Variants in CCND3 observed in about 807,000 individuals in gnomAD.
The protein encoded by CCND3 is cyclin D3.
A neutral mutation model predicts 28.7 loss-of-function variants in CCND3; 9 were observed. The observed-to-expected ratio is 0.31, with a 90% confidence interval of 0.19 to 0.55. The LOEUF is 0.55. Among genes scored for constraint, CCND3 ranks in the 20% least tolerant of loss-of-function variants. The pLI, the probability that CCND3 is intolerant of heterozygous loss-of-function variation, is 0.93. For synonymous variants in CCND3, 164 were observed against 163.9 expected (o/e 1.00, Z 0.00); for missense variants, 315 against 385.8 (o/e 0.82, Z 1.54).
chr6:41,974,604 C>A (rs1762122745), intron 1 of CCND3, among the ~76,000 whole-genome samples: 1 of 152,156 alleles, frequency 6.6e-6, no homozygotes, highest in Admixed American at 6.5e-5. Context: ...TATTACTCAA[C>A]AACAGCCCAA....
intron 1 of CCND3, among the ~76,000 whole-genome samples, chr6:42,020,407 T>C (rs115122695): frequency 0.012 from 1,841 of 152,368 alleles, 31 homozygotes; most frequent in African/African-American, 0.042. Context: ...GCTCTCTCTC[T>C]GTCCTCCCTT....
intron 1 of CCND3, among the ~76,000 whole-genome samples, chr6:41,980,899 G>A (rs1762327109): frequency 6.6e-6 from 1 of 152,032 alleles, no homozygotes; most frequent in African/African-American, 2.4e-5. Context: ...AAGAACATCT[G>A]CAAAAAACCC....
intron 1 of CCND3, among the ~76,000 whole-genome samples, chr6:41,969,277 G>T (rs1464305602): frequency 8.6e-5 from 13 of 152,018 alleles, no homozygotes; most frequent in African/African-American, 3.1e-4. Context: ...ACTTTGGGAG[G>T]CCCAGGCGGG....
chr6:41,997,341 G>T (rs1762838711), intron 1 of CCND3, among the ~76,000 whole-genome samples: 1 of 152,110 alleles, frequency 6.6e-6, no homozygotes, highest in Non-Finnish European at 1.5e-5. Flanking sequence ...CACCTTAACA[G>T]GCATGCAGAA....
intron 1 of CCND3, among the ~76,000 whole-genome samples, chr6:42,015,416 A>T (rs896979435): frequency 3.9e-5 from 6 of 152,086 alleles, no homozygotes; most frequent in Non-Finnish European, 7.4e-5. Flanking sequence ...ATTTTATTTT[A>T]AAAAAAAGTT....
chr6:41,941,618 T>C lies in CCND3; in HGVS notation c.32A>G (p.His11Arg). The change falls in exon 1 of 5, where the codon CAC becomes CGC. Residue 11 changes from histidine to arginine, a missense_variant. By Grantham distance (29) the His-to-Arg change is conservative (BLOSUM62 0). Coordinates refer to ENST00000372991, the MANE Select transcript of CCND3 (RefSeq NM_001760.5). This position sits in a 1 kb window ranked among gnomAD's most constrained non-coding sequence, Gnocchi z 6.1. Reference sequence around the variant, plus strand: ...CGGGTCCGGCCCGGCCCGGGGCGCGTGCCGGGTGCCTTCGCAACACAGCAG... The same window carrying C: ...CGGGTCCGGCCCGGCCCGGGGCGCGCGCCGGGTGCCTTCGCAACACAGCAG... MELLCCEGTRHAPRAGPDPRL... is the reference protein window; with the variant it reads MELLCCEGTRRAPRAGPDPRL... 4 of 1,518,668 alleles carry C rather than the reference T, an allele frequency of 2.6e-6. No individual in the cohort carries two copies. The highest frequency in any genetic ancestry group is 1.2e-5 in the South Asian group (1 of 82,358). The allele number at this position is 1,518,668 out of a possible 1,614,324, so 94.1% of individuals were successfully genotyped here. A position where few individuals can be genotyped will look rare whatever the true frequency, so the allele number is the denominator to read the frequency against.
intron 1 of CCND3, among the ~76,000 whole-genome samples, chr6:42,000,990 C>G (rs1018397339): frequency 1.3e-5 from 2 of 151,624 alleles, no homozygotes. Context: ...TATCCCAGTA[C>G]TTTGGGAGGC....
chr6:42,018,891 TAAAAAA>T (rs10568698), intron 1 of CCND3, among the ~76,000 whole-genome samples: 2 of 136,858 alleles, frequency 1.5e-5, no homozygotes, highest in Non-Finnish European at 1.6e-5. Context: ...AACTCCATGT[TAAAAAA>T]AAAAAAAAAA....
Position 41,989,454 on chromosome 6 carries a change from C to CAAAAAAAAAAAAA in CCND3, c.-45-48870_-45-48869insTTTTTTTTTTTTT, listed in dbSNP as rs35776222. On this transcript the variant is annotated intron_variant, in intron 1 of 4. Transcript: ENST00000372988. ...GGGCGACAAGAGTGAAACACTGTCT[C>CAAAAAAAAAAAAA]AAAAAAAAAAAACAAAAAAAAAAAA... Among the ~76,000 whole-genome samples, 62 of 21,670 alleles carry CAAAAAAAAAAAAA rather than the reference C, an allele frequency of 2.9e-3. 6 individuals are homozygous for CAAAAAAAAAAAAA. The highest frequency in any genetic ancestry group is 3.8e-3 in the Non-Finnish European group (35 of 9,114). The allele number at this position is 21,670 out of a possible 152,430, so 14.2% of individuals were successfully genotyped here.
intron 1 of CCND3, among the ~76,000 whole-genome samples, chr6:41,985,596 T>G: frequency 6.8e-6 from 1 of 147,142 alleles, no homozygotes. Context: ...ATTACAGGCG[T>G]GAGCCACCAT....
At chr6:42,045,938 T>C (rs1486466195) in intron 1 of CCND3, among the ~76,000 whole-genome samples, 3 of 152,066 alleles carry the variant, frequency 2.0e-5, no homozygotes, top group Admixed American at 6.5e-5. Flanking sequence ...CACCCCACCC[T>C]ACCAGCGAGT....
Position 41,940,443 on chromosome 6 carries a change from C to A in CCND3, c.341G>T (p.Arg114Leu), listed in dbSNP as rs1447795219. The A allele has an allele frequency of 6.2e-7, 1 of 1,614,088 alleles. No individual in the cohort carries two copies. The highest frequency in any genetic ancestry group is 8.5e-7 in the Non-Finnish European group (1 of 1,180,004). Residue 114 changes from arginine to leucine, a missense_variant, in exon 2 of 5, where the codon CGC (arginine) becomes CTC (leucine). Transcript: ENST00000372991. ...AVCMLLASKL[R>L]ETTPLTIEKL... ...TTCGATGGTCAGGGGCGTGGTCTCG[C>A]GCAGCTTGGAGGCCAGCAGCATGCA...
chr6:41,975,858 T>C (rs1762165297), intron 1 of CCND3, among the ~76,000 whole-genome samples: 1 of 152,028 alleles, frequency 6.6e-6, no homozygotes. Context: ...TCTGTTTTTT[T>C]TGAGACAGGG....
At chr6:42,028,971 G>GGTTTT (rs1191162225) in intron 1 of CCND3, among the ~76,000 whole-genome samples, 1 of 137,796 alleles carries the variant, frequency 7.3e-6, no homozygotes, top group Non-Finnish European at 1.6e-5. Flanking sequence ...CCTTGAAACG[G>GGTTTT]TTTTTTTTTT....
chr6:41,992,294 C>T (rs1438051564), intron 1 of CCND3, among the ~76,000 whole-genome samples: 1 of 152,038 alleles, frequency 6.6e-6, no homozygotes, highest in Non-Finnish European at 1.5e-5. Context: ...TCCCAAGTAG[C>T]TGGGATTACA....
upstream of CCND3, among the ~76,000 whole-genome samples, chr6:41,943,973 A>C (rs1776105923): frequency 1.3e-5 from 2 of 152,078 alleles, no homozygotes; most frequent in African/African-American, 4.8e-5. Flanking sequence ...TGGTTTTTTA[A>C]CTTTGGTTAT....
chr6:42,007,827 A>G (rs756575634), intron 1 of CCND3, among the ~76,000 whole-genome samples: 13 of 152,180 alleles, frequency 8.5e-5, no homozygotes, highest in Admixed American at 2.6e-4. Flanking sequence ...GCGATCCACA[A>G]ACAAAAGCAC....
intron 1 of CCND3, among the ~76,000 whole-genome samples, chr6:42,026,205 T>C (rs1763871982): frequency 6.6e-6 from 1 of 152,112 alleles, no homozygotes; most frequent in Non-Finnish European, 1.5e-5. Context: ...TTTGACCTTC[T>C]CAACGACCTC....
chr6:41,992,318 A>G (rs1762672782), intron 1 of CCND3, among the ~76,000 whole-genome samples: 1 of 152,012 alleles, frequency 6.6e-6, no homozygotes. Context: ...GCCTGCCACC[A>G]TGCCCGGCTA....
Sources: allele counts gnomAD v4.1 joint callset (sites outside exome capture counted in the v4.1 genomes callset), GRCh38; gene constraint gnomAD v4.1.1; non-coding constraint Gnocchi (gnomAD v3.1); transcripts MANE v1.5; gene names NCBI Gene and HGNC (gene_info 2026-07-23, HGNC 2026-07-21).